The following TNIP1 variants were observed in gnomAD, a reference collection of about 807,000 sequenced individuals.
The protein encoded by TNIP1 is TNFAIP3 interacting protein 1.
TNIP1 carries 22 observed loss-of-function variants against 86.6 expected under a neutral mutation model. The observed-to-expected ratio is 0.25, with a 90% CI of 0.18 to 0.36. The LOEUF (loss-of-function observed/expected upper bound fraction) is 0.36, where lower values mean the gene tolerates loss of function less well. Among genes scored for constraint, TNIP1 ranks in the 10% least tolerant of loss-of-function variants. TNIP1 has a pLI of 1.00. For synonymous variants in TNIP1, 294 were observed against 313.0 expected, an observed-to-expected ratio of 0.94 and a Z score of 0.64; for missense variants, 709 against 820.6, an observed-to-expected ratio of 0.86 and a Z score of 1.66.
intron 3 of TNIP1, among the ~76,000 whole-genome samples, chr5:151,062,797 A>G (rs1761747334): frequency 6.6e-6 from 1 of 152,250 alleles, no homozygotes; most frequent in East Asian, 1.9e-4. Context: ...GAGGCTGGAA[A>G]TGCCCACTGA....
intron 5 of TNIP1, among the ~76,000 whole-genome samples, chr5:151,057,759 T>A (rs1210524636): frequency 1.3e-5 from 2 of 152,192 alleles, no homozygotes; most frequent in Non-Finnish European, 2.9e-5. Flanking sequence ...GTACAGAATT[T>A]TTTTCTTGTC....
chr5:151,034,078 C>A (rs575164046), intron 15 of TNIP1, among the ~76,000 whole-genome samples: 2 of 148,546 alleles, frequency 1.3e-5, no homozygotes, highest in South Asian at 2.2e-4. Context: ...TACATGGGCA[C>A]GGAAGGCTGG....
At chr5:151,030,881 G>A (rs368730470) in intron 17 of TNIP1, 134 bp from the exon 18 acceptor site, 5 of 651,294 alleles carry the variant, frequency 7.7e-6, no homozygotes, top group Admixed American at 3.0e-5. Flanking sequence ...CCAGGGCTAA[G>A]TACCTTAAGT....
chr5:151,044,895 G>A (rs1445875077), intron 9 of TNIP1, among the ~76,000 whole-genome samples: 1 of 152,146 alleles, frequency 6.6e-6, no homozygotes, highest in Non-Finnish European at 1.5e-5. Context: ...TTACGAACTG[G>A]CTCCTGCACC....
In TNIP1 at chr5:151,030,099, C is replaced by T. The variant is rs1186421085; in HGVS notation, c.*614G>A. 2.2e-6 allele frequency: 1 copy of T among 456,876 alleles called. No individual in the cohort carries two copies. The highest frequency in any genetic ancestry group is 6.9e-5 in the East Asian group (1 of 14,510). The allele number at this position is 456,876 out of a possible 1,614,324, so 28.3% of individuals were successfully genotyped here. A position where few individuals can be genotyped will look rare whatever the true frequency, so the allele number is the denominator to read the frequency against. On this transcript the variant is annotated 3_prime_UTR_variant, in exon 18 of 18. Coordinates refer to ENST00000521591, the MANE Select transcript of TNIP1 (RefSeq NM_006058.5). ...GGCCTGGCAGCTTCAGGCTGGCGCC[C>T]CTCGGCGGACGTGGCTGGCATGGCC...
chr5:151,071,103 T>C (rs1025102888), intron 1 of TNIP1, among the ~76,000 whole-genome samples: 11 of 152,074 alleles, frequency 7.2e-5, no homozygotes, highest in African/African-American at 2.4e-4. Context: ...AACTGCTCTA[T>C]AAAAAATAAG....
chr5:151,048,617 G>A (rs1208477833), intron 8 of TNIP1, among the ~76,000 whole-genome samples: 3 of 152,142 alleles, frequency 2.0e-5, no homozygotes, highest in East Asian at 1.9e-4. Context: ...CATCTGGCTC[G>A]GGGCATTCAA....
chr5:151,086,029 CA>C (rs1764265499), upstream of TNIP1, among the ~76,000 whole-genome samples: 2 of 152,154 alleles, frequency 1.3e-5, no homozygotes, highest in African/African-American at 4.8e-5. Context: ...CTCTTCTAGC[CA>C]GGGACTTCCC....
Position 151,030,403 on chromosome 5 carries a change from T to C in TNIP1, c.*310A>G. 3.9e-6 allele frequency: 2 copies of C among 510,194 alleles called. No individual in the cohort carries two copies. The highest frequency in any genetic ancestry group is 1.9e-5 in the African/African-American group (1 of 51,894). The allele number at this position is 510,194 out of a possible 1,614,324, so 31.6% of individuals were successfully genotyped here. A position where few individuals can be genotyped will look rare whatever the true frequency, so the allele number is the denominator to read the frequency against. The stretch of plus-strand genomic sequence containing the variant: ...TCTTGGCTGCCTCCCACTCTTAGGA[T>C]TGCTGCTCCTGGAGGCTTCTGCAAC... On this transcript the variant is annotated 3_prime_UTR_variant, in exon 18 of 18. Coordinates refer to ENST00000521591, the MANE Select transcript of TNIP1 (RefSeq NM_006058.5).
At chr5:151,042,799 C>T in intron 10 of TNIP1, 97 bp downstream of exon 10, 1 of 1,597,698 alleles carries the variant, frequency 6.3e-7, no homozygotes, top group Non-Finnish European at 8.5e-7. Flanking sequence ...CATACTGGGG[C>T]TCAGCGTGGC....
At chr5:151,054,309 G>T (rs1760362013) in intron 6 of TNIP1, among the ~76,000 whole-genome samples, 1 of 152,186 alleles carries the variant, frequency 6.6e-6, no homozygotes. Context: ...ACTCACAAAG[G>T]AGACTCTTGG....
chr5:151,033,017 T>C (rs1757104815), intron 16 of TNIP1, among the ~76,000 whole-genome samples: 1 of 148,844 alleles, frequency 6.7e-6, no homozygotes, highest in South Asian at 2.1e-4. Context: ...TCCCAGCTAC[T>C]TGGGAGGCTA....
upstream of TNIP1, among the ~76,000 whole-genome samples, chr5:151,083,993 T>G (rs1764178363): frequency 6.6e-6 from 1 of 152,236 alleles, no homozygotes; most frequent in South Asian, 2.1e-4. Flanking sequence ...CTTTGAGGTA[T>G]TAGATGACTT....
chr5:151,042,862 T>C, intron 10 of TNIP1, 34 bp downstream of exon 10: 1 of 1,612,520 alleles, frequency 6.2e-7, no homozygotes, highest in Non-Finnish European at 8.5e-7. Flanking sequence ...AGACCAGGCA[T>C]GCCCTGTGGG....
chr5:151,032,260 G>A, intron 17 of TNIP1, 27 bp downstream of exon 17: 1 of 1,575,768 alleles, frequency 6.3e-7, no homozygotes. Context: ...CCCCAGGGAG[G>A]ACCAAGACTC....
chr5:151,052,364 C>T lies in TNIP1; in HGVS notation c.628-105G>A, dbSNP rs571835622. 4.9e-4 allele frequency: 447 copies of T among 903,380 alleles called. 4 individuals carry two copies. The African/African-American group carries it at 6.3e-3, about 13-fold the overall frequency. The allele number at this position is 903,380 out of a possible 1,614,324, so 56.0% of individuals were successfully genotyped here. ...GGCCTGTAGCCACCCCAGGGCCCAA[C>T]TCCTTATCCCCTTTGCCTGGCCTCA... On this transcript the variant is annotated intron_variant, in intron 6 of 17. Coordinates refer to ENST00000521591, the MANE Select transcript of TNIP1 (RefSeq NM_006058.5).
intron 6 of TNIP1, among the ~76,000 whole-genome samples, chr5:151,053,431 T>C (rs981405371): frequency 6.6e-6 from 1 of 152,188 alleles, no homozygotes; most frequent in African/African-American, 2.4e-5. Flanking sequence ...GTTTCTTCTC[T>C]GCCTCCTCTA....
At position 151,056,893 on chromosome 5, in the gene TNIP1, G is replaced by T. The variant is rs781359678; in HGVS notation, c.500C>A (p.Thr167Lys). ...CGGCTCCTCGGCACACACACTCAGC[G>T]TGGTCTCCAGGCGCTGCAGGTGCAG... ...LMLHLQRLET[T>K]LSVCAEEPDH... Residue 167 changes from threonine to lysine, a missense_variant, in exon 6 of 18, where the codon ACG (threonine) becomes AAG (lysine). Thr to Lys is a moderately conservative substitution (Grantham distance 78). Coordinates refer to ENST00000521591, the MANE Select transcript of TNIP1 (RefSeq NM_006058.5). 1 of 1,601,380 alleles carries T rather than the reference G, an allele frequency of 6.2e-7. No homozygotes were observed. Among genetic ancestry groups the T allele is most frequent in the African/African-American group, 1.3e-5 (1 of 74,322 alleles).
intron 1 of TNIP1, among the ~76,000 whole-genome samples, chr5:151,086,186 C>T (rs1764271014): frequency 6.6e-6 from 1 of 152,186 alleles, no homozygotes; most frequent in Admixed American, 6.5e-5. Context: ...ACCAATCAGA[C>T]CCGCTTCCTG....
Sources: allele counts gnomAD v4.1 joint callset (sites outside exome capture counted in the v4.1 genomes callset), GRCh38; gene constraint gnomAD v4.1.1; transcripts MANE v1.5; gene names NCBI Gene and HGNC (gene_info 2026-07-23, HGNC 2026-07-21).